SLC24A2: variants seen among roughly 807,000 people sequenced by gnomAD.
The protein encoded by SLC24A2 is solute carrier family 24 member 2.
SLC24A2 carries 36 observed loss-of-function variants against 62.0 expected under a neutral mutation model. That is an observed-to-expected ratio of 0.58 (90% CI 0.44 to 0.77). The LOEUF is 0.77. SLC24A2 is among the 30% of genes least tolerant of loss of function. SLC24A2 has a pLI of 0.00. For missense variants in SLC24A2, 846 were observed against 817.9 expected (o/e 1.03, Z -0.42); for synonymous variants, 358 against 294.0 (o/e 1.22, Z -2.23).
At chr9:19,894,588 G>A in the SLC24A2 span, among the ~76,000 whole-genome samples, 1 of 152,080 alleles carries the variant, frequency 6.6e-6, no homozygotes, top group African/African-American at 2.4e-5. Flanking sequence ...GATGCCTGGA[G>A]AGCCAACAAC....
intron 2 of SLC24A2, among the ~76,000 whole-genome samples, chr9:19,784,485 G>A (rs955859837): frequency 6.6e-6 from 1 of 152,164 alleles, no homozygotes; most frequent in Non-Finnish European, 1.5e-5. Context: ...ATAAGACATC[G>A]AATCATTTCC....
chr9:20,100,182 G>C, the SLC24A2 span, among the ~76,000 whole-genome samples: 1 of 151,820 alleles, frequency 6.6e-6, no homozygotes, highest in African/African-American at 2.4e-5. Flanking sequence ...AACTTTTTGT[G>C]TGTGTGTGTG....
chr9:20,050,724 G>C, the SLC24A2 span, among the ~76,000 whole-genome samples: 1 of 152,134 alleles, frequency 6.6e-6, no homozygotes, highest in Non-Finnish European at 1.5e-5. Context: ...GCAAATATTG[G>C]AGTCTGGTTT....
At chr9:20,244,922 T>C in the SLC24A2 span, among the ~76,000 whole-genome samples, 31,318 of 152,194 alleles carry the variant, frequency 0.21, 3,648 homozygotes, top group African/African-American at 0.31. Flanking sequence ...CATCTCATTT[T>C]AAACATTTTG....
the SLC24A2 span, among the ~76,000 whole-genome samples, chr9:20,175,049 T>C: frequency 6.6e-6 from 1 of 151,390 alleles, no homozygotes; most frequent in Admixed American, 6.6e-5. Flanking sequence ...GACTACTACT[T>C]AGCCATAAAA....
At chr9:19,544,015 A>C (rs1834418337) in intron 8 of SLC24A2, among the ~76,000 whole-genome samples, 1 of 152,106 alleles carries the variant, frequency 6.6e-6, no homozygotes, top group African/African-American at 2.4e-5. Context: ...GATGTGTCTA[A>C]TATTGACAGT....
intron 2 of SLC24A2, among the ~76,000 whole-genome samples, chr9:19,653,617 A>C (rs536753988): frequency 6.6e-6 from 1 of 152,240 alleles, no homozygotes; most frequent in African/African-American, 2.4e-5. Flanking sequence ...AAAATATCAA[A>C]TATCAGTAGA....
At chr9:19,783,383 T>C (rs1486445405) in intron 2 of SLC24A2, among the ~76,000 whole-genome samples, 1 of 152,180 alleles carries the variant, frequency 6.6e-6, no homozygotes, top group Non-Finnish European at 1.5e-5. Context: ...TACAGCACAT[T>C]CCTCTCTAGG....
the SLC24A2 span, among the ~76,000 whole-genome samples, chr9:19,995,355 A>G: frequency 1.3e-5 from 2 of 152,186 alleles, no homozygotes; most frequent in Non-Finnish European, 2.9e-5. Context: ...ACAGAGGTAA[A>G]GAGAGCGTGG....
At chr9:19,541,490 TG>T (rs1351467637) in intron 8 of SLC24A2, among the ~76,000 whole-genome samples, 1 of 150,010 alleles carries the variant, frequency 6.7e-6, no homozygotes, top group African/African-American at 2.5e-5. Context: ...GTGCCCCTGC[TG>T]GGGGGTGCCT....
At chr9:19,697,643 T>G (rs1820231110) in intron 2 of SLC24A2, among the ~76,000 whole-genome samples, 1 of 152,206 alleles carries the variant, frequency 6.6e-6, no homozygotes, top group Non-Finnish European at 1.5e-5. Context: ...TTTTGTCATT[T>G]TAGAAATATT....
At chr9:19,593,587 G>A (rs1836618880) in intron 5 of SLC24A2, among the ~76,000 whole-genome samples, 1 of 152,146 alleles carries the variant, frequency 6.6e-6, no homozygotes, top group Non-Finnish European at 1.5e-5. Context: ...CATGTAGAAA[G>A]AAATGCTTTC....
the SLC24A2 span, among the ~76,000 whole-genome samples, chr9:20,230,245 ACC>A: frequency 6.6e-6 from 1 of 152,164 alleles, no homozygotes; most frequent in Non-Finnish European, 1.5e-5. Context: ...TTGGGTATAT[ACC>A]CAGTAATGGG....
chr9:20,256,410 T>G, the SLC24A2 span, among the ~76,000 whole-genome samples: 1 of 152,216 alleles, frequency 6.6e-6, no homozygotes, highest in African/African-American at 2.4e-5. Flanking sequence ...GGCTACACAA[T>G]GAAGGCAGAC....
chr9:20,152,215 GATTTAT>G, the SLC24A2 span, among the ~76,000 whole-genome samples: 1 of 152,032 alleles, frequency 6.6e-6, no homozygotes, highest in East Asian at 1.9e-4. Context: ...TGAAGAGGGA[GATTTAT>G]ATTTATAAGA....
intron 5 of SLC24A2, among the ~76,000 whole-genome samples, chr9:19,583,582 G>T (rs948346980): frequency 8.5e-5 from 13 of 152,136 alleles, no homozygotes; most frequent in Admixed American, 3.3e-4. Context: ...AGTAGATGAG[G>T]TTATGACTCT....
chr9:20,234,056 C>T, the SLC24A2 span, among the ~76,000 whole-genome samples: 17 of 152,202 alleles, frequency 1.1e-4, no homozygotes, highest in Non-Finnish European at 2.4e-4. Flanking sequence ...ATATTGGTCC[C>T]CACTCTCTTC....
At chr9:20,234,133 G>C in the SLC24A2 span, among the ~76,000 whole-genome samples, 4 of 152,158 alleles carry the variant, frequency 2.6e-5, no homozygotes, top group Non-Finnish European at 5.9e-5. Context: ...CGGGTAACCC[G>C]ACCTTTCTCT....
At chr9:19,528,519 G>A (rs1254871109) in intron 8 of SLC24A2, among the ~76,000 whole-genome samples, 1 of 152,002 alleles carries the variant, frequency 6.6e-6, no homozygotes, top group Non-Finnish European at 1.5e-5. Context: ...TTGCTCCAGA[G>A]TTTGTCAGAA....
Sources: gnomAD v4.1 joint callset for allele counts (sites outside exome capture counted in the v4.1 genomes callset) on GRCh38, gnomAD v4.1.1 for gene constraint, MANE v1.5 for transcripts, NCBI Gene and HGNC (gene_info 2026-07-23, HGNC 2026-07-21) for gene names.